Variants in URB1 observed in about 807,000 individuals in gnomAD.
URB1 encodes the protein nucleolar pre-ribosomal-associated protein 1.
Under a neutral mutation model 242.3 loss-of-function variants are expected in URB1, and 197 were observed. That is an observed-to-expected ratio of 0.81 (90% CI 0.72 to 0.91). The LOEUF is 0.91. Ranked by LOEUF, URB1 falls within the 40% of genes least tolerant of loss-of-function variation. The pLI, the probability that URB1 is intolerant of heterozygous loss-of-function variation, is 0.00. For missense variants in URB1, 2,721 were observed against 2,860.5 expected (o/e 0.95, Z 1.11); for synonymous variants, 1,153 against 1,201.8 (o/e 0.96, Z 0.84).
rs2032926729 is a variant in URB1 at position 32,334,088 on chromosome 21, G to A, written c.4857+75C>T. On this transcript the variant is annotated intron_variant, in intron 29 of 38. Transcript: ENST00000382751. ...TAAAAAGGTAAATAACAAGAAAAACGAAGCTGAGGGTGCAGATGGAGCCCC... is the reference window on the plus strand; with the variant it reads ...TAAAAAGGTAAATAACAAGAAAAACAAAGCTGAGGGTGCAGATGGAGCCCC... 15 of 1,438,520 alleles carry A rather than the reference G, an allele frequency of 1.0e-5. No individual in the cohort carries two copies. The East Asian group carries it at 2.0e-4, about 19-fold the overall frequency. 89.1% of individuals were successfully genotyped at this position (1,438,520 alleles called of 1,614,324 possible).
intron 15 of URB1, among the ~76,000 whole-genome samples, 178 bp from the exon 16 acceptor site, chr21:32,355,743 G>T (rs2033213125): frequency 6.6e-6 from 1 of 152,198 alleles, no homozygotes; most frequent in African/African-American, 2.4e-5. Context: ...TGAGTAGCTG[G>T]GACTACAGGA....
In URB1 at chr21:32,333,045, A is replaced by T. The variant is rs201432993; in HGVS notation, c.4960+272T>A. 5.1e-5 allele frequency: 21 copies of T among 414,728 alleles called. No individual in the cohort carries two copies. The East Asian group carries it at 1.1e-3, about 22-fold the overall frequency. 25.7% of individuals were successfully genotyped at this position (414,728 alleles called of 1,614,324 possible). On this transcript the variant is annotated intron_variant, in intron 30 of 38. Coordinates refer to ENST00000382751, the MANE Select transcript of URB1 (RefSeq NM_014825.3). ...AATAAAAATGCAGAAAATGTTCATC[A>T]TTAGGAATTAGGAAAACATCAAAGA...
Position 32,354,997 on chromosome 21 carries a change from T to C in URB1, c.2107A>G (p.Ile703Val). The change falls in exon 17 of 39, where the codon ATT (isoleucine) becomes GTT (valine). Residue 703 changes from isoleucine to valine, a missense_variant and splice_region_variant. By Grantham distance (29) the Ile-to-Val change is conservative (BLOSUM62 3). Coordinates refer to ENST00000382751, the MANE Select transcript of URB1 (RefSeq NM_014825.3). ...GGATTCGCCACCAATGTCAATAAAA[T>C]CTGGGCATTAAAGAGCCAAATAGAA... ...KETVIQFLERILLTLVANPYS... is the reference protein window; with the variant it reads ...KETVIQFLERVLLTLVANPYS... 1.3e-6 allele frequency: 2 copies of C among 1,548,062 alleles called. No homozygotes were observed. Among genetic ancestry groups the C allele is most frequent in the Non-Finnish European group, 1.7e-6 (2 of 1,144,260 alleles).
chr21:32,345,599 A>G (rs1211760234), intron 22 of URB1, 24 bp from the exon 23 acceptor site: 1 of 1,516,450 alleles, frequency 6.6e-7, no homozygotes, highest in African/African-American at 1.4e-5. Flanking sequence ...ACAAAGGAGA[A>G]GTCATCACAC....
intron 10 of URB1, among the ~76,000 whole-genome samples, chr21:32,365,920 G>A (rs966200011): frequency 6.6e-6 from 1 of 152,156 alleles, no homozygotes; most frequent in African/African-American, 2.4e-5. Flanking sequence ...TCCTCCCCCA[G>A]GTACCTCAGG....
chr21:32,385,443 A>G, intron 2 of URB1, 102 bp downstream of exon 2: 2 of 1,443,072 alleles, frequency 1.4e-6, no homozygotes, highest in South Asian at 2.9e-5. Context: ...CATTTTCTAT[A>G]GAAAGTTGGT....
intron 27 of URB1, 74 bp downstream of exon 27, chr21:32,337,314 ATCCCTCCAGCTCTCAT>A: frequency 7.3e-7 from 1 of 1,370,754 alleles, no homozygotes; most frequent in South Asian, 1.3e-5. Context: ...TCCTGCTCAC[ATCCCTCCAGCTCTCAT>A]TCCCTATCTC....
At chr21:32,322,329 T>A in intron 33 of URB1, 149 bp downstream of exon 33, 1 of 713,326 alleles carries the variant, frequency 1.4e-6, no homozygotes, top group Non-Finnish European at 2.4e-6. Context: ...ACGGAGACAT[T>A]CCGAAGTGCA....
rs528727673 is a variant in URB1, at chr21:32,378,384, G to A, written c.664+61C>T. ...GACTTTTTTTGAACTTGGAAGAAACGGTTTGCAGTAGGTTTTTCAAAACAA... is the reference window on the plus strand; with the variant it reads ...GACTTTTTTTGAACTTGGAAGAAACAGTTTGCAGTAGGTTTTTCAAAACAA... On this transcript the variant is annotated intron_variant, in intron 5 of 38. Coordinates refer to ENST00000382751, the MANE Select transcript of URB1 (RefSeq NM_014825.3). The A allele has an allele frequency of 5.6e-6, 8 of 1,438,506 alleles. No homozygotes were observed. In the African/African-American group the frequency reaches 1.1e-4, roughly 20 times the overall value. The allele number at this position is 1,438,506 out of a possible 1,614,324, so 89.1% of individuals were successfully genotyped here. A position where few individuals can be genotyped will look rare whatever the true frequency, so the allele number is the denominator to read the frequency against.
Position 32,353,977 on chromosome 21 carries a change from A to G in URB1, c.2372T>C (p.Leu791Pro). ...FPFSAVVPAA[L>P]EARNKLLLGT... is the part of the protein sequence containing the mutation. ...AAGGAGCAACTTATTCCTGGCTTCC[A>G]GGGCCGCAGGGACTACCGCACTGAA... The change falls in exon 18 of 39, where the codon CTG becomes CCG. Residue 791 changes from leucine to proline, a missense_variant. Leu to Pro is a moderately conservative substitution (Grantham distance 98, BLOSUM62 -3). Transcript: ENST00000382751. 6.4e-7 allele frequency: 1 copy of G among 1,551,788 alleles called. No individual in the cohort carries two copies. The highest frequency in any genetic ancestry group is 8.7e-7 in the Non-Finnish European group (1 of 1,147,010).
At position 32,314,881 on chromosome 21, in the gene URB1, T is replaced by C. The variant is rs1356952629; in HGVS notation, c.*37A>G. The C allele has an allele frequency of 2.6e-6, 4 of 1,536,898 alleles. No individual in the cohort carries two copies. The highest frequency in any genetic ancestry group is 2.6e-6 in the Non-Finnish European group (3 of 1,138,818). On this transcript the variant is annotated 3_prime_UTR_variant, in exon 39 of 39. Coordinates refer to ENST00000382751, the MANE Select transcript of URB1 (RefSeq NM_014825.3). ...TAGAAGCTGGTGCTGTGCTCGAGGC[T>C]CTGGTCATCAGGGTGCAAGGTGCTG...
rs1347521934 is a variant in URB1 at position 32,311,532 on chromosome 21, G to C, written c.*3386C>G. 1.8e-6 allele frequency: 2 copies of C among 1,114,508 alleles called. No individual in the cohort carries two copies. The highest frequency in any genetic ancestry group is 2.5e-6 in the Non-Finnish European group (2 of 791,472). 69.0% of individuals were successfully genotyped at this position (1,114,508 alleles called of 1,614,324 possible). On this transcript the variant is annotated 3_prime_UTR_variant, in exon 39 of 39. Coordinates refer to ENST00000382751, the MANE Select transcript of URB1 (RefSeq NM_014825.3). ...ATTTCTCTAGAATGGCCACCTTTGTGAGCTGGCTGACCCTTCTCAGGAATT... is the reference window on the plus strand; with the variant it reads ...ATTTCTCTAGAATGGCCACCTTTGTCAGCTGGCTGACCCTTCTCAGGAATT...
In URB1 at chr21:32,357,635, T is replaced by C; in HGVS notation, c.1891A>G (p.Ile631Val). The change falls in exon 15 of 39, where the codon ATT becomes GTT. Residue 631 changes from isoleucine to valine, a missense_variant. Ile to Val is a conservative substitution (Grantham distance 29). Transcript: ENST00000382751. The stretch of plus-strand genomic sequence containing the variant: ...TAAAATACTGATCGTTCACCTCCAA[T>C]AATTTCTGCATCTGGGCCTTCCTAG... ...KAQEGPDAEI[I>V]GGERSVFYLL... The C allele has an allele frequency of 2.7e-6, 4 of 1,505,608 alleles. No individual in the cohort carries two copies. The highest frequency in any genetic ancestry group is 3.5e-6 in the Non-Finnish European group (4 of 1,128,206). 93.3% of individuals were successfully genotyped at this position (1,505,608 alleles called of 1,614,324 possible).
At chr21:32,366,390 C>G (rs2033346893) in intron 10 of URB1, among the ~76,000 whole-genome samples, 1 of 152,196 alleles carries the variant, frequency 6.6e-6, no homozygotes, top group African/African-American at 2.4e-5. Flanking sequence ...GACATGAAGT[C>G]CGTTGTCCCT....
chr21:32,334,909 C>T (rs577872828), intron 28 of URB1, among the ~76,000 whole-genome samples: 2 of 152,282 alleles, frequency 1.3e-5, no homozygotes, highest in South Asian at 2.1e-4. Flanking sequence ...ATACCTCAAC[C>T]GCCACCACAG....
Position 32,316,669 on chromosome 21 carries a change from GCACTGT to G in URB1, c.6425_6430del (p.Asp2142_Ser2143del). On this transcript the variant is annotated inframe_deletion, in exon 38 of 39. Transcript: ENST00000382751. ...CAGCCTGAATATGCTGCTCCTCACG[GCACTGT>G]CCTTAAGGAGGTCAGCCACGACCAC... 1 of 1,551,456 alleles carries G rather than the reference GCACTGT, an allele frequency of 6.4e-7. No individual in the cohort carries two copies. Among genetic ancestry groups the G allele is most frequent in the East Asian group, 2.4e-5 (1 of 40,910 alleles).
intron 6 of URB1, among the ~76,000 whole-genome samples, chr21:32,374,318 TCTCAG>T (rs1219157768): frequency 1.3e-5 from 2 of 152,190 alleles, no homozygotes; most frequent in Non-Finnish European, 2.9e-5. Context: ...TGGCACAAAT[TCTCAG>T]CTCCACCCAA....
At position 32,311,559 on chromosome 21, in the gene URB1, G is replaced by A; in HGVS notation, c.*3359C>T. ...GCTGGCTGACCCTTCTCAGGAATTTGCCTGTGTGGCCTTCCCTATGGGGTC... is the reference window on the plus strand; with the variant it reads ...GCTGGCTGACCCTTCTCAGGAATTTACCTGTGTGGCCTTCCCTATGGGGTC... On this transcript the variant is annotated 3_prime_UTR_variant, in exon 39 of 39. Coordinates refer to ENST00000382751, the MANE Select transcript of URB1 (RefSeq NM_014825.3). The A allele has an allele frequency of 1.4e-6, 2 of 1,381,276 alleles. No individual in the cohort carries two copies. The highest frequency in any genetic ancestry group is 1.4e-5 in the South Asian group (1 of 70,868). The allele number at this position is 1,381,276 out of a possible 1,614,324, so 85.6% of individuals were successfully genotyped here. A position where few individuals can be genotyped will look rare whatever the true frequency, so the allele number is the denominator to read the frequency against.
At chr21:32,368,949 G>A (rs1199788027) in intron 8 of URB1, among the ~76,000 whole-genome samples, 23 of 152,158 alleles carry the variant, frequency 1.5e-4, no homozygotes. Context: ...TAGAAGTCAA[G>A]GCTACTGAAA....
Sources: allele counts gnomAD v4.1 joint callset (sites outside exome capture counted in the v4.1 genomes callset), GRCh38; gene constraint gnomAD v4.1.1; transcripts MANE v1.5; gene names NCBI Gene and HGNC (gene_info 2026-07-23, HGNC 2026-07-21).